PRPH2: variants seen among roughly 807,000 people sequenced by gnomAD.
PRPH2 encodes the protein peripherin 2, also known as peripherin-2.
Under a neutral mutation model 31.3 loss-of-function variants are expected in PRPH2, and 17 were observed. The ratio of observed to expected loss-of-function variants is 0.54; its 90% confidence interval spans 0.37 to 0.81. PRPH2 has a LOEUF of 0.81. Among genes scored for constraint, PRPH2 ranks in the 40% least tolerant of loss-of-function variants. The probability of loss-of-function intolerance (pLI) is 0.00; values close to 1 mark genes in which losing one functional copy is unlikely to be tolerated. For synonymous variants in PRPH2, 165 were observed against 184.4 expected, an observed-to-expected ratio of 0.89 and a Z score of 0.85; for missense variants, 430 against 439.7, an observed-to-expected ratio of 0.98 and a Z score of 0.20.
intron 2 of PRPH2, among the ~76,000 whole-genome samples, chr6:42,699,785 C>A (rs1341552215): frequency 1.3e-5 from 2 of 151,902 alleles, no homozygotes; most frequent in Non-Finnish European, 2.9e-5. Context: ...CCCAGCTACC[C>A]GGGTACTTGG....
intron 1 of PRPH2, among the ~76,000 whole-genome samples, chr6:42,715,994 A>G (rs1450765157): frequency 1.3e-5 from 2 of 152,214 alleles, no homozygotes; most frequent in Non-Finnish European, 2.9e-5. Context: ...TCTCTAGCCC[A>G]GTCCGGTGAA....
intron 1 of PRPH2, among the ~76,000 whole-genome samples, chr6:42,716,619 T>C (rs7757333): frequency 1.0e-4 from 4 of 39,792 alleles, no homozygotes; most frequent in Admixed American, 9.7e-4. Context: ...TTGGTTTTTT[T>C]TTTTTTTTTT....
At chr6:42,717,953 C>A (rs116158468) in intron 1 of PRPH2, among the ~76,000 whole-genome samples, 169 of 152,220 alleles carry the variant, frequency 1.1e-3, no homozygotes, top group African/African-American at 3.9e-3. Context: ...ATCACTTGAG[C>A]CCAGAAGTTA....
At chr6:42,710,195 C>T (rs1800249235) in intron 1 of PRPH2, among the ~76,000 whole-genome samples, 1 of 152,162 alleles carries the variant, frequency 6.6e-6, no homozygotes, top group Non-Finnish European at 1.5e-5. Flanking sequence ...GGCTGTGTCT[C>T]CCCATCAGAC....
intron 1 of PRPH2, among the ~76,000 whole-genome samples, chr6:42,707,952 T>A (rs1035171449): frequency 6.6e-6 from 1 of 152,110 alleles, no homozygotes; most frequent in Admixed American, 6.5e-5. Flanking sequence ...TTCCTTAACC[T>A]CTCCCTGCCT....
At chr6:42,719,522 T>A (rs1562432663) in intron 1 of PRPH2, among the ~76,000 whole-genome samples, 2 of 151,646 alleles carry the variant, frequency 1.3e-5, no homozygotes, top group Non-Finnish European at 2.9e-5. Flanking sequence ...GTGGATATTA[T>A]GCAAATGTTA....
chr6:42,709,055 G>T (rs970222334), intron 1 of PRPH2, among the ~76,000 whole-genome samples: 5 of 152,146 alleles, frequency 3.3e-5, no homozygotes, highest in Admixed American at 6.5e-5. Flanking sequence ...GTCCAGCCGG[G>T]CGCGGTGGCT....
chr6:42,698,210 C>CT lies in PRPH2; in HGVS notation c.*84dup, dbSNP rs1799980149. The stretch of plus-strand genomic sequence containing the variant: ...TGGTGCCCTCCTTGGGAGATTCAGA[C>CT]TTTCGGAGTTGGATGAGGGGGAGAT... On this transcript the variant is annotated 3_prime_UTR_variant, in exon 3 of 3. Transcript: ENST00000230381. The CT allele has an allele frequency of 6.4e-7, 1 of 1,573,490 alleles. No individual in the cohort carries two copies. The highest frequency in any genetic ancestry group is 1.4e-5 in the African/African-American group (1 of 73,826).
At position 42,710,222 on chromosome 6, in the gene PRPH2, C is replaced by T. The variant is rs143828223; in HGVS notation, c.582-5611G>A. Among the ~76,000 whole-genome samples, 1,012 of 151,986 alleles carry T rather than the reference C, an allele frequency of 6.7e-3. 7 individuals are homozygous for T. Among genetic ancestry groups the T allele is most frequent in the African/African-American group, 0.024 (977 of 41,442 alleles). On this transcript the variant is annotated intron_variant, in intron 1 of 2. Transcript: ENST00000230381. ...CCATCAGACTGGGGTTCCCTGAGGA[C>T]GGGGCTGTGTCTCCCCTCAGACTGG...
intron 1 of PRPH2, among the ~76,000 whole-genome samples, chr6:42,717,897 G>A (rs1761819623): frequency 6.6e-6 from 1 of 152,126 alleles, no homozygotes. Context: ...TGGGCGCGGT[G>A]GCTCATGTTT....
At chr6:42,713,892 C>A (rs1761724198) in intron 1 of PRPH2, among the ~76,000 whole-genome samples, 2 of 133,982 alleles carry the variant, frequency 1.5e-5, no homozygotes, top group Admixed American at 8.6e-5. Context: ...TACACTCCAG[C>A]CTGGGTGACT....
At chr6:42,716,608 GTTGGT>G (rs1761786364) in intron 1 of PRPH2, among the ~76,000 whole-genome samples, 1 of 121,442 alleles carries the variant, frequency 8.2e-6, no homozygotes, top group African/African-American at 3.4e-5. Flanking sequence ...GTTTGGTTTG[GTTGGT>G]TTTTTTTTTT....
intron 2 of PRPH2, among the ~76,000 whole-genome samples, chr6:42,703,237 T>C (rs1800079438): frequency 6.6e-6 from 1 of 152,014 alleles, no homozygotes; most frequent in South Asian, 2.1e-4. Context: ...ATAATAAAAA[T>C]AAAAAATGAA....
rs121918567 is a variant in PRPH2, at chr6:42,704,609, C to G, written c.584G>C (p.Arg195Pro). 7 of 1,614,148 alleles carry G rather than the reference C, an allele frequency of 4.3e-6. No homozygotes were observed. Among genetic ancestry groups the G allele is most frequent in the Non-Finnish European group, 5.9e-6 (7 of 1,180,022 alleles). ...LDFSSKEVKDRIKSNVDGRYL... is the reference protein window; with the variant it reads ...LDFSSKEVKDPIKSNVDGRYL... ...CCGCCCATCCACGTTGCTCTTGATT[C>G]GACTTAAAGGGAAACAGACAGCTGG... The change falls in exon 2 of 3, where the codon CGA becomes CCA. Residue 195 changes from arginine to proline, a missense_variant and splice_region_variant. Transcript: ENST00000230381.
chr6:42,715,325 G>A (rs1259513345), intron 1 of PRPH2, among the ~76,000 whole-genome samples: 1 of 152,078 alleles, frequency 6.6e-6, no homozygotes, highest in African/African-American at 2.4e-5. Context: ...TGGCAACACG[G>A]TCATAGGCAG....
At position 42,722,266 on chromosome 6, in the gene PRPH2, C is replaced by T. The variant is rs779326874; in HGVS notation, c.69G>A (p.Met23Ile). Residue 23 changes from methionine to isoleucine, a missense_variant, in exon 1 of 3, where the codon ATG becomes ATA. Physicochemically the swap from Met to Ile is conservative, Grantham distance 10. Transcript: ENST00000230381. This position sits in a 1 kb window ranked among gnomAD's most constrained non-coding sequence, Gnocchi z 4.4. ...TGCCAGCCAACACGGAGAACCAGTT[C>T]ATGAGCCAGAGCCCTTGGGCCAACT... The part of the protein sequence containing the change: ...RVKLAQGLWL[M>I]NWFSVLAGII... The T allele has an allele frequency of 6.2e-7, 1 of 1,614,160 alleles. No individual in the cohort carries two copies. Among genetic ancestry groups the T allele is most frequent in the Non-Finnish European group, 8.5e-7 (1 of 1,180,040 alleles).
intron 2 of PRPH2, among the ~76,000 whole-genome samples, chr6:42,702,390 C>T (rs1403312465): frequency 6.6e-6 from 1 of 151,794 alleles, no homozygotes; most frequent in Non-Finnish European, 1.5e-5. Flanking sequence ...TTGGGAATCT[C>T]CTCAATGGAA....
At chr6:42,706,997 T>C (rs933939314) in intron 1 of PRPH2, among the ~76,000 whole-genome samples, 1 of 130,776 alleles carries the variant, frequency 7.6e-6, no homozygotes, top group Non-Finnish European at 1.6e-5. Flanking sequence ...TTTTTTGGCA[T>C]GGATGGGGGA....
rs565840741 is a variant in PRPH2, at chr6:42,700,951, A to G, written c.829-2444T>C. Among the ~76,000 whole-genome samples the G allele has an allele frequency of 1.0e-3, 158 of 151,578 alleles. 1 individual carries two copies. Among genetic ancestry groups the G allele is most frequent in the African/African-American group, 3.5e-3 (143 of 41,294 alleles). ...AGGTGGGGCCACTAAGAGGCTGCCA[A>G]TGGAACCCCATTCATTTTCCCACTG... On this transcript the variant is annotated intron_variant, in intron 2 of 2. Coordinates refer to ENST00000230381, the MANE Select transcript of PRPH2 (RefSeq NM_000322.5).
Sources: allele counts gnomAD v4.1 joint callset (sites outside exome capture counted in the v4.1 genomes callset), GRCh38; gene constraint gnomAD v4.1.1; non-coding constraint Gnocchi (gnomAD v3.1); transcripts MANE v1.5; gene names NCBI Gene and HGNC (gene_info 2026-07-23, HGNC 2026-07-21).